The following CMYA5 variants were observed in gnomAD, a reference collection of about 807,000 sequenced individuals.
CMYA5 encodes the protein cardiomyopathy associated 5.
In CMYA5, 246 loss-of-function variants were observed where a neutral mutation model predicts 318.9. That is an observed-to-expected ratio of 0.77 (90% CI 0.70 to 0.86). The LOEUF (loss-of-function observed/expected upper bound fraction) is 0.86. CMYA5 is among the 40% of genes least tolerant of loss of function. The pLI, the probability that CMYA5 is intolerant of heterozygous loss-of-function variation, is 0.00. For synonymous variants in CMYA5, 1,641 were observed against 1,729.5 expected, an observed-to-expected ratio of 0.95 and a Z score of 1.27; for missense variants, 4,589 against 4,678.2, an observed-to-expected ratio of 0.98 and a Z score of 0.56.
At chr5:79,764,160 C>G (rs1828707131) in intron 9 of CMYA5, among the ~76,000 whole-genome samples, 1 of 151,482 alleles carries the variant, frequency 6.6e-6, no homozygotes, top group Non-Finnish European at 1.5e-5. Context: ...TACCCCCCTG[C>G]CCCCAAAAAG....
intron 1 of CMYA5, among the ~76,000 whole-genome samples, chr5:79,699,072 C>T (rs752319004): frequency 2.0e-5 from 3 of 152,010 alleles, no homozygotes; most frequent in Non-Finnish European, 4.4e-5. Context: ...GCAGGAGAAT[C>T]GCTTGAACCC....
intron 1 of CMYA5, among the ~76,000 whole-genome samples, chr5:79,691,980 TTAAG>T: frequency 6.6e-6 from 1 of 152,290 alleles, no homozygotes; most frequent in Non-Finnish European, 1.5e-5. Context: ...GTTGAAAGAG[TTAAG>T]TTATTCTCTT....
In CMYA5 at chr5:79,730,372, A is replaced by ACC; in HGVS notation, c.1609_1610dup (p.Glu538GlnfsTer68). The ACC allele has an allele frequency of 6.2e-7, 1 of 1,613,886 alleles. No homozygotes were observed. Among genetic ancestry groups the ACC allele is most frequent in the Non-Finnish European group, 8.5e-7 (1 of 1,179,878 alleles). On this transcript the variant is annotated frameshift_variant, in exon 2 of 13. Transcript: ENST00000446378. LOFTEE classifies it high-confidence loss of function. ...GAAGAAGAGATCGTAGAACTTGATT[A>ACC]CCCAGAAAGCCCATTGGTTTCCGAG...
chr5:79,726,909 A>ATTTTTTTTTTTTTTTTTTTTTTTTTTT (rs34198193), intron 1 of CMYA5, among the ~76,000 whole-genome samples: 3 of 96,040 alleles, frequency 3.1e-5, no homozygotes, highest in Admixed American at 1.0e-4. Flanking sequence ...TAGGCCAGTG[A>ATTTTTTTTTTTTTTTTTTTTTTTTTTT]TTTTTTTTTT....
chr5:79,740,949 G>A (rs1828196901), intron 2 of CMYA5, among the ~76,000 whole-genome samples: 2 of 152,108 alleles, frequency 1.3e-5, no homozygotes, highest in African/African-American at 4.8e-5. Flanking sequence ...GCTCACTGCA[G>A]CCTTGACCTC....
intron 2 of CMYA5, 41 bp downstream of exon 2, chr5:79,739,444 T>G: frequency 2.3e-6 from 3 of 1,286,338 alleles, no homozygotes; most frequent in Non-Finnish European, 3.1e-6. Flanking sequence ...AATATATATA[T>G]ACACATTTAA....
intron 1 of CMYA5, among the ~76,000 whole-genome samples, chr5:79,718,826 CT>C (rs1827567311): frequency 1.3e-5 from 2 of 152,150 alleles, no homozygotes; most frequent in Non-Finnish European, 2.9e-5. Context: ...TGTACAAATA[CT>C]CACCATTGCA....
Position 79,737,154 on chromosome 5 carries a change from C to T in CMYA5, c.8389C>T (p.Arg2797Cys), listed in dbSNP as rs201742395. 9.3e-6 allele frequency: 15 copies of T among 1,612,770 alleles called. No individual in the cohort carries two copies. The highest frequency in any genetic ancestry group is 8.9e-5 in the East Asian group (4 of 44,848). ...TAAAGAATCCGAAAGGACTTTAGCT[C>T]GTCCTTTTGATGAAACTAAGAGCTC... ...PSKESERTLA[R>C]PFDETKSSET... Residue 2797 changes from arginine (R) to cysteine (C), a missense_variant, in exon 2 of 13, where the codon CGT becomes TGT. By Grantham distance (180) the Arg-to-Cys change is radical. Around this residue, in one of 3 missense-constraint regions of CMYA5, gnomAD observed 2,431 missense variants for 2,495.1 expected, o/e 0.97. Coordinates refer to ENST00000446378, the MANE Select transcript of CMYA5 (RefSeq NM_153610.5).
At chr5:79,775,492 AT>A (rs1368498313) in intron 9 of CMYA5, among the ~76,000 whole-genome samples, 1 of 152,204 alleles carries the variant, frequency 6.6e-6, no homozygotes, top group Non-Finnish European at 1.5e-5. Flanking sequence ...GGAACACAAA[AT>A]TTAAATCTGA....
At chr5:79,704,457 A>T (rs1238216377) in intron 1 of CMYA5, among the ~76,000 whole-genome samples, 2 of 152,138 alleles carry the variant, frequency 1.3e-5, no homozygotes, top group Non-Finnish European at 2.9e-5. Context: ...CCTATCACCC[A>T]GGAGAGGCTC....
In CMYA5 at chr5:79,689,992, G is replaced by A; in HGVS notation, c.85G>A (p.Glu29Lys). Residue 29 changes from glutamate (E) to lysine (K), a missense_variant, in exon 1 of 13, where the codon GAG becomes AAG. By Grantham distance (56) the Glu-to-Lys change is moderately conservative. Coordinates refer to ENST00000446378, the MANE Select transcript of CMYA5 (RefSeq NM_153610.5). ...DEEATRELET[E>K]EESEGEEDET... is the part of the protein sequence containing the mutation. ...GGAGGCGACCCGGGAGCTGGAGACC[G>A]AGGAGGAGTCGGAGGGCGAGGAGGA... The A allele has an allele frequency of 6.9e-7, 1 of 1,444,940 alleles. No homozygotes were observed. The highest frequency in any genetic ancestry group is 2.7e-5 in the East Asian group (1 of 36,482). The allele number at this position is 1,444,940 out of a possible 1,614,324, so 89.5% of individuals were successfully genotyped here. A position where few individuals can be genotyped will look rare whatever the true frequency, so the allele number is the denominator to read the frequency against.
At chr5:79,758,657 G>A in intron 6 of CMYA5, 96 bp from the exon 7 acceptor site, 1 of 1,002,402 alleles carries the variant, frequency 1.0e-6, no homozygotes, top group African/African-American at 1.7e-5. Flanking sequence ...ATGTATTTCT[G>A]TATTCTTTGA....
chr5:79,700,230 C>T (rs1561626486), intron 1 of CMYA5, among the ~76,000 whole-genome samples: 1 of 152,198 alleles, frequency 6.6e-6, no homozygotes, highest in Non-Finnish European at 1.5e-5. Context: ...ATCATGAATT[C>T]AGAAACCCAG....
intron 1 of CMYA5, among the ~76,000 whole-genome samples, chr5:79,693,055 A>G (rs1160743878): frequency 1.3e-5 from 2 of 152,198 alleles, no homozygotes; most frequent in South Asian, 2.1e-4. Flanking sequence ...TGTATGAAGC[A>G]CCTCAAAGTC....
At position 79,739,375 on chromosome 5, in the gene CMYA5, C is replaced by A. The variant is rs575546411; in HGVS notation, c.10610C>A (p.Thr3537Lys). The change falls in exon 2 of 13, where the codon ACG (threonine) becomes AAG (lysine). Residue 3537 changes from threonine (T) to lysine (K), a missense_variant. Thr to Lys is a moderately conservative substitution (Grantham distance 78, BLOSUM62 -1). Coordinates refer to ENST00000446378, the MANE Select transcript of CMYA5 (RefSeq NM_153610.5). ...FGTHKDHEVS[T>K]LDTAISAVKV... ...ACCCACAAAGACCATGAAGTTTCAA[C>A]GCTTGACACAGCTATAAGTGCTGTA... 2.1e-5 allele frequency: 33 copies of A among 1,552,076 alleles called. No individual in the cohort carries two copies. In the South Asian group the frequency reaches 3.8e-4, roughly 18 times the overall value.
intron 9 of CMYA5, 75 bp from the exon 10 acceptor site, chr5:79,788,896 C>A: frequency 7.1e-7 from 1 of 1,412,542 alleles, no homozygotes; most frequent in South Asian, 1.3e-5. Flanking sequence ...GATGTTCATT[C>A]ACTACCAAAT....
At position 79,734,982 on chromosome 5, in the gene CMYA5, C is replaced by T. The variant is rs1828019564; in HGVS notation, c.6217C>T (p.His2073Tyr). ...ETISSSVKTA[H>Y]FPAEGVEPAL... is the part of the protein sequence containing the mutation. ...AATCTCCTCTTCTGTCAAAACAGCCCATTTCCCGGCAGAAGGTGTGGAACC... is the reference window on the plus strand; with the variant it reads ...AATCTCCTCTTCTGTCAAAACAGCCTATTTCCCGGCAGAAGGTGTGGAACC... Residue 2073 changes from histidine (H) to tyrosine (Y), a missense_variant, in exon 2 of 13, where the codon CAT becomes TAT. Around this residue, in one of 3 missense-constraint regions of CMYA5, gnomAD observed 2,431 missense variants for 2,495.1 expected, o/e 0.97. Transcript: ENST00000446378. The T allele has an allele frequency of 1.9e-6, 3 of 1,613,720 alleles. No homozygotes were observed. In the African/African-American group the frequency reaches 4.0e-5, roughly 22 times the overall value.
chr5:79,708,035 AT>A (rs1404713663), intron 1 of CMYA5, among the ~76,000 whole-genome samples: 3 of 152,174 alleles, frequency 2.0e-5, no homozygotes, highest in Admixed American at 6.5e-5. Flanking sequence ...CTCCATCCTC[AT>A]GACTTAATCA....
chr5:79,745,598 G>T (rs1005048407), intron 4 of CMYA5, 143 bp downstream of exon 4: 1 of 664,710 alleles, frequency 1.5e-6, no homozygotes, highest in Non-Finnish European at 2.6e-6. Flanking sequence ...ACATTATTTG[G>T]GCATGCCTGA....
Sources: allele counts gnomAD v4.1 joint callset (sites outside exome capture counted in the v4.1 genomes callset), GRCh38; gene constraint gnomAD v4.1.1; regional missense constraint gnomAD v4.1.1; transcripts MANE v1.5; gene names NCBI Gene and HGNC (gene_info 2026-07-23, HGNC 2026-07-21).